MIB1: variants seen among roughly 807,000 people sequenced by gnomAD.
The protein encoded by MIB1 is MIB E3 ubiquitin protein ligase 1, also known as E3 ubiquitin-protein ligase MIB1.
In MIB1, 278 loss-of-function variants were observed where a neutral mutation model predicts 124.5. The observed-to-expected ratio is 2.23, with a 90% CI of 2.02 to 2.47. The LOEUF (loss-of-function observed/expected upper bound fraction) is 2.47, where lower values mean the gene tolerates loss of function less well. Among genes scored for constraint, MIB1 ranks in the 30% most tolerant of loss-of-function variants. MIB1 has a pLI of 0.00. For synonymous variants in MIB1, 446 were observed against 429.4 expected (o/e 1.04, Z -0.48); for missense variants, 957 against 1,254.4 (o/e 0.76, Z 3.58).
intron 1 of MIB1, among the ~76,000 whole-genome samples, chr18:21,742,823 A>G (rs1321465004): frequency 6.6e-6 from 1 of 152,218 alleles, no homozygotes; most frequent in African/African-American, 2.4e-5. Flanking sequence ...AGCCTTACAA[A>G]TCTTGGAATG....
At chr18:21,721,159 GTTTTTTTTTTTTTTTTTTTTTTT>G (rs34277676) in intron 1 of MIB1, among the ~76,000 whole-genome samples, 18 of 29,756 alleles carry the variant, frequency 6.0e-4, no homozygotes, top group Non-Finnish European at 8.9e-4. Context: ...TTTTAAAGAA[GTTTTTTTTTTTTTTTTTTTTTTT>G]TTTTTTTTTT....
At chr18:21,750,054 A>G (rs941742903) in intron 1 of MIB1, among the ~76,000 whole-genome samples, 1 of 152,174 alleles carries the variant, frequency 6.6e-6, no homozygotes, top group Non-Finnish European at 1.5e-5. Flanking sequence ...TTAATATTTA[A>G]CAAACAGATT....
In MIB1 at chr18:21,870,635, A is replaced by G. The variant is rs2042348428; in HGVS notation, c.*5969A>G. On this transcript the variant is annotated 3_prime_UTR_variant, in exon 21 of 21. Transcript: ENST00000261537. The stretch of plus-strand genomic sequence containing the variant: ...TGGGTTTTAGTTTTATGAGTAAATC[A>G]TTAATTGTATGGTTTGGGGGTTATT... The G allele has an allele frequency of 6.6e-6, 1 of 152,170 alleles. No homozygotes were observed. Among genetic ancestry groups the G allele is most frequent in the Admixed American group, 6.5e-5 (1 of 15,286 alleles). The allele number at this position is 152,170 out of a possible 1,614,324, so 9.4% of individuals were successfully genotyped here.
chr18:21,797,461 G>A (rs945125960), intron 7 of MIB1, among the ~76,000 whole-genome samples: 21 of 152,110 alleles, frequency 1.4e-4, no homozygotes, highest in African/African-American at 4.6e-4. Context: ...ATGTGTATGT[G>A]GGGGTGAGCG....
intron 1 of MIB1, among the ~76,000 whole-genome samples, chr18:21,732,027 A>G (rs1449060509): frequency 6.6e-6 from 1 of 150,908 alleles, no homozygotes; most frequent in Non-Finnish European, 1.5e-5. Context: ...AAATATATAT[A>G]TATATATACT....
intron 10 of MIB1, chr18:21,812,401 T>C (rs575202601): frequency 2.0e-5 from 3 of 152,352 alleles, no homozygotes; most frequent in East Asian, 1.9e-4. Flanking sequence ...GAAAGAATTA[T>C]GACTTTGGTG....
intron 1 of MIB1, among the ~76,000 whole-genome samples, chr18:21,722,135 AC>A (rs1310714455): frequency 6.6e-6 from 1 of 151,630 alleles, no homozygotes; most frequent in African/African-American, 2.4e-5. Flanking sequence ...GCTCACTGCA[AC>A]CTCTGCCTCC....
intron 1 of MIB1, among the ~76,000 whole-genome samples, chr18:21,720,156 GTTC>G (rs2040708207): frequency 6.6e-6 from 1 of 152,128 alleles, no homozygotes; most frequent in Non-Finnish European, 1.5e-5. Context: ...TTGAAGGAAA[GTTC>G]TTCTGCATAG....
intron 12 of MIB1, chr18:21,828,883 T>G: frequency 3.1e-6 from 1 of 319,262 alleles, no homozygotes; most frequent in Admixed American, 4.8e-5. Flanking sequence ...TTTTTTTTGG[T>G]GTTAGTATTG....
intron 1 of MIB1, among the ~76,000 whole-genome samples, chr18:21,726,804 A>G (rs1468313306): frequency 6.6e-6 from 1 of 152,184 alleles, no homozygotes; most frequent in Non-Finnish European, 1.5e-5. Context: ...TGATTCCCAC[A>G]TGCTTCTACA....
chr18:21,853,059 C>T, intron 17 of MIB1, 81 bp from the exon 18 acceptor site: 1 of 901,622 alleles, frequency 1.1e-6, no homozygotes. Flanking sequence ...AGAGGAAATA[C>T]ATTTGGATAT....
At chr18:21,717,591 T>C (rs913035245) in intron 1 of MIB1, among the ~76,000 whole-genome samples, 2 of 151,760 alleles carry the variant, frequency 1.3e-5, no homozygotes, top group Non-Finnish European at 2.9e-5. Context: ...GCTAAGAACA[T>C]GAATAGACAA....
chr18:21,811,605 A>C (rs1010531450), intron 10 of MIB1, among the ~76,000 whole-genome samples: 1 of 152,160 alleles, frequency 6.6e-6, no homozygotes, highest in Non-Finnish European at 1.5e-5. Context: ...AGCCAGTTAC[A>C]AAAAGACAAA....
intron 12 of MIB1, chr18:21,831,353 G>A (rs1318731015): frequency 2.0e-5 from 3 of 150,310 alleles, no homozygotes; most frequent in South Asian, 4.2e-4. Context: ...GTCTGCAAGC[G>A]AGGTCAGGAC....
chr18:21,855,508 AG>A (rs1424276323), intron 18 of MIB1, among the ~76,000 whole-genome samples: 1 of 152,252 alleles, frequency 6.6e-6, no homozygotes, highest in African/African-American at 2.4e-5. Context: ...TTTATGTTTA[AG>A]AAAAAAATCT....
chr18:21,751,461 A>G (rs2040974248), intron 1 of MIB1, among the ~76,000 whole-genome samples: 2 of 151,892 alleles, frequency 1.3e-5, no homozygotes, highest in Admixed American at 1.3e-4. Context: ...GGGTTTCACC[A>G]TGTTGGCCAG....
intron 15 of MIB1, 78 bp downstream of exon 15, chr18:21,844,331 A>T: frequency 7.1e-7 from 1 of 1,401,456 alleles, no homozygotes; most frequent in African/African-American, 1.4e-5. Context: ...TGGTAATCTA[A>T]CCTGTATTGG....
intron 1 of MIB1, among the ~76,000 whole-genome samples, chr18:21,718,687 A>T (rs2040700782): frequency 6.6e-6 from 1 of 152,230 alleles, no homozygotes; most frequent in South Asian, 2.1e-4. Context: ...TAGTTAACCA[A>T]AACTATGGCC....
rs558253545 is a variant in MIB1, at chr18:21,803,587, G to C, written c.1372-320G>C. On this transcript the variant is annotated intron_variant, in intron 9 of 20. Transcript: ENST00000261537. ...TTTTTCATTGAACCATGGACTCAGA[G>C]ATTAATCTAAAAAGAAATATATATA... The C allele has an allele frequency of 2.9e-3, 514 of 176,314 alleles. 4 individuals are homozygous for C. Among genetic ancestry groups the C allele is most frequent in the South Asian group, 0.011 (59 of 5,226 alleles). 10.9% of individuals were successfully genotyped at this position (176,314 alleles called of 1,614,324 possible). A position where few individuals can be genotyped will look rare whatever the true frequency, so the allele number is the denominator to read the frequency against.
Sources: allele counts gnomAD v4.1 joint callset (sites outside exome capture counted in the v4.1 genomes callset), GRCh38; gene constraint gnomAD v4.1.1; transcripts MANE v1.5; gene names NCBI Gene and HGNC (gene_info 2026-07-23, HGNC 2026-07-21).